Variants in DDX10 observed in about 807,000 individuals in gnomAD.
The protein encoded by DDX10 is DEAD-box helicase 10.
DDX10 carries 74 observed loss-of-function variants against 104.3 expected under a neutral mutation model. That is an observed-to-expected ratio of 0.71 (90% CI 0.59 to 0.86). The LOEUF (loss-of-function observed/expected upper bound fraction) is 0.86. DDX10 is among the 40% of genes least tolerant of loss of function. The pLI, the probability that DDX10 is intolerant of heterozygous loss-of-function variation, is 0.00. For synonymous variants in DDX10, 351 were observed against 353.4 expected, an observed-to-expected ratio of 0.99 and a Z score of 0.08; for missense variants, 952 against 1,040.0, an observed-to-expected ratio of 0.92 and a Z score of 1.16.
At position 108,675,731 on chromosome 11, in the gene DDX10, G is replaced by A; in HGVS notation, c.378+5G>A. ...ACTCTGGCTTTTCTTGTTCCAGTAA[G>A]TACATTGTCATTGGGTCAGACTGTC... On this transcript the variant is annotated splice_donor_5th_base_variant and intron_variant, in intron 3 of 17. Coordinates refer to ENST00000322536, the MANE Select transcript of DDX10 (RefSeq NM_004398.4). 1 of 1,614,028 alleles carries A rather than the reference G, an allele frequency of 6.2e-7. No homozygotes were observed. Among genetic ancestry groups the A allele is most frequent in the Non-Finnish European group, 8.5e-7 (1 of 1,179,964 alleles).
intron 16 of DDX10, among the ~76,000 whole-genome samples, chr11:108,862,871 T>C (rs999541430): frequency 6.6e-6 from 1 of 152,104 alleles, no homozygotes; most frequent in African/African-American, 2.4e-5. Context: ...AACACAAGGG[T>C]GATGAAAGGG....
intron 16 of DDX10, among the ~76,000 whole-genome samples, chr11:108,891,642 C>T (rs1454832298): frequency 6.6e-6 from 1 of 152,112 alleles, no homozygotes; most frequent in African/African-American, 2.4e-5. Context: ...ACCATAATGC[C>T]GTTACTCTTG....
chr11:108,782,747 G>A (rs1043195877), intron 13 of DDX10, among the ~76,000 whole-genome samples: 9 of 152,046 alleles, frequency 5.9e-5, no homozygotes, highest in Non-Finnish European at 1.3e-4. Context: ...CAAATCAAGA[G>A]TATTTAGAGT....
chr11:108,854,479 A>T (rs1862838680), intron 16 of DDX10, among the ~76,000 whole-genome samples: 1 of 152,208 alleles, frequency 6.6e-6, no homozygotes, highest in South Asian at 2.1e-4. Flanking sequence ...TTCCAGGTAG[A>T]GCTTCCCTTT....
intron 16 of DDX10, among the ~76,000 whole-genome samples, chr11:108,904,512 A>G (rs1351873077): frequency 3.9e-5 from 6 of 152,108 alleles, no homozygotes; most frequent in Admixed American, 1.3e-4. Context: ...ATTGCTGTTT[A>G]TTTTTCACCA....
At chr11:108,815,286 G>T (rs1029481200) in intron 13 of DDX10, among the ~76,000 whole-genome samples, 2 of 151,640 alleles carry the variant, frequency 1.3e-5, no homozygotes, top group Non-Finnish European at 2.9e-5. Flanking sequence ...ATGATTTGTG[G>T]CCTTTTTTTC....
intron 13 of DDX10, among the ~76,000 whole-genome samples, chr11:108,751,465 AT>A (rs1220258305): frequency 2.0e-5 from 3 of 152,168 alleles, no homozygotes; most frequent in Admixed American, 2.0e-4. Flanking sequence ...AAAGCTCTTA[AT>A]CTGCAGTTAA....
chr11:108,884,586 T>C (rs1046666220), intron 16 of DDX10, among the ~76,000 whole-genome samples: 6 of 152,242 alleles, frequency 3.9e-5, no homozygotes, highest in African/African-American at 9.6e-5. Context: ...CAGCACTGGA[T>C]CGTATCTCAG....
chr11:108,765,246 G>C (rs940505718), intron 13 of DDX10, among the ~76,000 whole-genome samples: 1 of 152,032 alleles, frequency 6.6e-6, no homozygotes, highest in Non-Finnish European at 1.5e-5. Flanking sequence ...AGTGGTAGTG[G>C]GGCTGAATTT....
chr11:108,938,263 T>C (rs1178478727), intron 17 of DDX10, among the ~76,000 whole-genome samples: 1 of 152,264 alleles, frequency 6.6e-6, no homozygotes. Flanking sequence ...AAAGGGCCTT[T>C]CTAGAATTTG....
At chr11:108,934,547 C>A (rs1864013190) in intron 17 of DDX10, among the ~76,000 whole-genome samples, 1 of 151,948 alleles carries the variant, frequency 6.6e-6, no homozygotes, top group African/African-American at 2.4e-5. Context: ...AAGGATGGAA[C>A]CTGGGGAAAT....
chr11:108,918,204 G>T (rs1863777945), intron 17 of DDX10, 186 bp downstream of exon 17: 1 of 618,610 alleles, frequency 1.6e-6, no homozygotes. Flanking sequence ...GATTGTTCTG[G>T]TCATGTTAGG....
chr11:108,929,769 A>T (rs1039627435), intron 17 of DDX10: 1 of 152,136 alleles, frequency 6.6e-6, no homozygotes, highest in Non-Finnish European at 1.5e-5. Flanking sequence ...AGAAAAATCT[A>T]ATGTGTTTTT....
intron 13 of DDX10, among the ~76,000 whole-genome samples, chr11:108,810,219 CT>C (rs1468230575): frequency 6.6e-6 from 1 of 152,078 alleles, no homozygotes; most frequent in Non-Finnish European, 1.5e-5. Flanking sequence ...GTTTTCCTTC[CT>C]AATCGATAAA....
At chr11:108,912,567 C>G (rs940144289) in intron 16 of DDX10, among the ~76,000 whole-genome samples, 1 of 152,198 alleles carries the variant, frequency 6.6e-6, no homozygotes, top group South Asian at 2.1e-4. Context: ...CCCTTACTTA[C>G]AGCAGTGAGT....
chr11:108,849,183 T>C (rs1005652702), intron 15 of DDX10, among the ~76,000 whole-genome samples: 4 of 152,128 alleles, frequency 2.6e-5, no homozygotes, highest in Non-Finnish European at 5.9e-5. Context: ...TCTTTGGGAC[T>C]TAACCATTCT....
At chr11:108,781,298 C>T (rs1013478154) in intron 13 of DDX10, among the ~76,000 whole-genome samples, 5 of 151,970 alleles carry the variant, frequency 3.3e-5, no homozygotes, top group Non-Finnish European at 5.9e-5. Context: ...TTTCTTTATC[C>T]AGTACACCAT....
At chr11:108,766,009 A>C (rs1336000985) in intron 13 of DDX10, among the ~76,000 whole-genome samples, 1 of 152,192 alleles carries the variant, frequency 6.6e-6, no homozygotes, top group Non-Finnish European at 1.5e-5. Context: ...ATTGCTGCAA[A>C]GCCTTACGTA....
At chr11:108,777,894 C>G (rs1187824507) in intron 13 of DDX10, among the ~76,000 whole-genome samples, 1 of 152,120 alleles carries the variant, frequency 6.6e-6, no homozygotes, top group Non-Finnish European at 1.5e-5. Flanking sequence ...TTCCTATACA[C>G]CAATAACAGA....
Sources: gnomAD v4.1 joint callset for allele counts (sites outside exome capture counted in the v4.1 genomes callset) on GRCh38, gnomAD v4.1.1 for gene constraint, MANE v1.5 for transcripts, NCBI Gene and HGNC (gene_info 2026-07-23, HGNC 2026-07-21) for gene names.